ATP8B4: variants seen among roughly 807,000 people sequenced by gnomAD.
The protein encoded by ATP8B4 is probable phospholipid-transporting ATPase IM.
In ATP8B4, 133 loss-of-function variants were observed where a neutral mutation model predicts 145.6. That is an observed-to-expected ratio of 0.91 (90% CI 0.79 to 1.05). The LOEUF is 1.05. Ranked by LOEUF, ATP8B4 falls within the 50% of genes least tolerant of loss-of-function variation. ATP8B4 has a pLI of 0.00. For missense variants in ATP8B4, 1,458 were observed against 1,425.2 expected (o/e 1.02, Z -0.37); for synonymous variants, 507 against 492.9 (o/e 1.03, Z -0.38).
Position 49,936,206 on chromosome 15 carries a change from ATTGT to A in ATP8B4, c.1288-2028_1288-2025del, listed in dbSNP as rs766677375. Among the ~76,000 whole-genome samples the A allele has an allele frequency of 6.6e-5, 10 of 152,172 alleles. No individual in the cohort carries two copies. In the East Asian group the frequency reaches 9.7e-4, roughly 15 times the overall value. On this transcript the variant is annotated intron_variant, in intron 14 of 27. Transcript: ENST00000284509. ...TCGTGGTGTCACCCACTCAAGGCTG[ATTGT>A]TTGTCAGGTCTGCTGCTCAGCTGCA...
At chr15:49,999,871 T>A (rs1015495771) in intron 8 of ATP8B4, among the ~76,000 whole-genome samples, 2 of 152,168 alleles carry the variant, frequency 1.3e-5, no homozygotes, top group Non-Finnish European at 2.9e-5. Context: ...TCTTAACACC[T>A]GGAAACTACT....
Position 49,981,296 on chromosome 15 carries a change from T to G in ATP8B4, c.749-2A>C. On this transcript the variant is annotated splice_acceptor_variant, in intron 10 of 27. Transcript: ENST00000284509. LOFTEE classifies it high-confidence loss of function. ...TCTGCATTAGTTTAGTGTCAGGACC[T>G]GCAAAAACAAAAAAAAGTAAATAAC... The G allele has an allele frequency of 6.3e-7, 1 of 1,594,170 alleles. No individual in the cohort carries two copies. The highest frequency in any genetic ancestry group is 8.6e-7 in the Non-Finnish European group (1 of 1,169,588).
intron 27 of ATP8B4, among the ~76,000 whole-genome samples, chr15:49,861,532 C>A (rs2031814476): frequency 6.6e-6 from 1 of 151,934 alleles, no homozygotes; most frequent in Non-Finnish European, 1.5e-5. Context: ...CTGGCCTGGT[C>A]CCACTCACCA....
chr15:49,898,686 T>C (rs1296031276), intron 21 of ATP8B4, among the ~76,000 whole-genome samples: 1 of 152,182 alleles, frequency 6.6e-6, no homozygotes, highest in East Asian at 1.9e-4. Context: ...TTCTTTGCAC[T>C]GTTGTTTTGT....
intron 16 of ATP8B4, among the ~76,000 whole-genome samples, chr15:49,926,554 G>A (rs2153460532): frequency 6.6e-6 from 1 of 152,016 alleles, no homozygotes; most frequent in Middle Eastern, 3.4e-3. Context: ...ATTAAGTTTG[G>A]ACTCCTTGAC....
Position 49,916,923 on chromosome 15 carries a change from T to TC in ATP8B4, c.2141+10dup. 6.2e-7 allele frequency: 1 copy of TC among 1,611,004 alleles called. No homozygotes were observed. The highest frequency in any genetic ancestry group is 1.7e-4 in the Middle Eastern group (1 of 6,058). ...GTCCTTCCATCCTTTCCTCCTTCCT[T>TC]CAACACCTACCTGAGTTCTTCTCTC... is the stretch of plus-strand genomic sequence containing the variant. On this transcript the variant is annotated intron_variant, in intron 20 of 27. Transcript: ENST00000284509.
At position 50,115,117 on chromosome 15, in the gene ATP8B4, A is replaced by G. The variant is rs1033429396; in HGVS notation, c.-43+4006T>C. 2.0e-5 allele frequency among the ~76,000 whole-genome samples: 3 copies of G among 152,168 alleles called. No individual in the cohort carries two copies. The East Asian group carries it at 5.8e-4, about 29-fold the overall frequency. On this transcript the variant is annotated intron_variant, in intron 1 of 27. Transcript: ENST00000284509. Reference sequence around the variant, plus strand: ...AGGCCAAGGTGGGCAGATGCCCTCTATCTCCTCACTTGAGTCCAGGAGTTT... The same window carrying G: ...AGGCCAAGGTGGGCAGATGCCCTCTGTCTCCTCACTTGAGTCCAGGAGTTT...
intron 3 of ATP8B4, among the ~76,000 whole-genome samples, chr15:50,064,726 C>T (rs1449522543): frequency 2.0e-5 from 3 of 152,166 alleles, no homozygotes; most frequent in Non-Finnish European, 4.4e-5. Context: ...TTAATTAGCT[C>T]ATGGTTCTGC....
intron 1 of ATP8B4, among the ~76,000 whole-genome samples, chr15:50,171,006 T>C (rs1005447455): frequency 1.3e-5 from 2 of 152,080 alleles, no homozygotes; most frequent in Non-Finnish European, 2.9e-5. Context: ...AACAGGAAAA[T>C]ATCACAATCC....
At chr15:50,120,552 G>A (rs1437692229), upstream of ATP8B4, among the ~76,000 whole-genome samples, 2 of 152,064 alleles carry the variant, frequency 1.3e-5, no homozygotes, top group Non-Finnish European at 2.9e-5. Flanking sequence ...ATATAAATTG[G>A]TAAAATATTT....
At chr15:50,121,134 C>G (rs1176236713), upstream of ATP8B4, among the ~76,000 whole-genome samples, 1 of 152,104 alleles carries the variant, frequency 6.6e-6, no homozygotes, top group Admixed American at 6.6e-5. Flanking sequence ...TAAATGTGCT[C>G]GCTGTTTATT....
intron 14 of ATP8B4, among the ~76,000 whole-genome samples, chr15:49,957,748 A>G (rs772461330): frequency 1.3e-5 from 2 of 152,050 alleles, no homozygotes; most frequent in Non-Finnish European, 2.9e-5. Flanking sequence ...ATGACCATCA[A>G]TGTAACCAAA....
chr15:50,124,006 G>T (rs922245582), upstream of ATP8B4, among the ~76,000 whole-genome samples: 3 of 152,046 alleles, frequency 2.0e-5, no homozygotes, highest in African/African-American at 7.2e-5. Flanking sequence ...ACCTCAGCAG[G>T]TGACAGGAGT....
chr15:50,108,124 G>T (rs1362174897), intron 1 of ATP8B4, among the ~76,000 whole-genome samples: 1 of 151,958 alleles, frequency 6.6e-6, no homozygotes, highest in Non-Finnish European at 1.5e-5. Flanking sequence ...GACCCCATCA[G>T]TAACTCCCCT....
chr15:50,121,064 T>A (rs968343694), upstream of ATP8B4, among the ~76,000 whole-genome samples: 1 of 152,128 alleles, frequency 6.6e-6, no homozygotes, highest in Non-Finnish European at 1.5e-5. Flanking sequence ...TACTGTCAAG[T>A]GAAAAGATCA....
At chr15:50,150,093 T>C (rs2044328414) in intron 1 of ATP8B4, among the ~76,000 whole-genome samples, 1 of 150,514 alleles carries the variant, frequency 6.6e-6, no homozygotes, top group South Asian at 2.1e-4. Context: ...AGAGCAAGAC[T>C]CCGTCCCAAA....
chr15:50,078,378 T>C (rs1319667286), intron 2 of ATP8B4, among the ~76,000 whole-genome samples: 3 of 151,590 alleles, frequency 2.0e-5, no homozygotes, highest in Middle Eastern at 6.8e-3. Context: ...ATGGCATCCA[T>C]GAAACAAGAA....
At chr15:49,998,329 G>T (rs538911897) in intron 8 of ATP8B4, among the ~76,000 whole-genome samples, 41 of 152,154 alleles carry the variant, frequency 2.7e-4, no homozygotes, top group South Asian at 4.1e-4. Context: ...ACTTCCACAA[G>T]GGTTGAACTA....
rs10539979 is a variant in ATP8B4, at chr15:50,003,274, A to ATGTGTGTGTGTG, written c.436-1063_436-1052dup. Among the ~76,000 whole-genome samples the ATGTGTGTGTGTG allele has an allele frequency of 5.3e-3, 746 of 141,172 alleles. 5 individuals are homozygous for ATGTGTGTGTGTG. The highest frequency in any genetic ancestry group is 0.011 in the African/African-American group (433 of 38,336). The allele number at this position is 141,172 out of a possible 152,430, so 92.6% of individuals were successfully genotyped here. On this transcript the variant is annotated intron_variant, in intron 7 of 27. Coordinates refer to ENST00000284509, the MANE Select transcript of ATP8B4 (RefSeq NM_024837.4). ...TTTGCAACTCAAAAATAGGGTGTGC[A>ATGTGTGTGTGTG]TGTGTGTGTGTGTGTGTGTGTGTGT...
Sources: gnomAD v4.1 joint callset for allele counts (sites outside exome capture counted in the v4.1 genomes callset) on GRCh38, gnomAD v4.1.1 for gene constraint, MANE v1.5 for transcripts, NCBI Gene and HGNC (gene_info 2026-07-23, HGNC 2026-07-21) for gene names.